BRI3: variants seen among roughly 807,000 people sequenced by gnomAD.
BRI3 encodes the protein brain protein I3, also known as membrane protein BRI3.
BRI3 carries 6 observed loss-of-function variants against 12.8 expected under a neutral mutation model. The ratio of observed to expected loss-of-function variants is 0.47; its 90% CI spans 0.26 to 0.93. BRI3 has a LOEUF of 0.93. Among genes scored for constraint, BRI3 ranks in the 40% least tolerant of loss-of-function variants. The pLI is 0.15. For synonymous variants in BRI3, 91 were observed against 76.1 expected (o/e 1.20, Z -1.02); for missense variants, 134 against 171.1 (o/e 0.78, Z 1.21).
intron 2 of BRI3, among the ~76,000 whole-genome samples, chr7:98,287,740 C>G (rs945311613): frequency 5.9e-5 from 9 of 152,212 alleles, no homozygotes; most frequent in Admixed American, 4.6e-4. Context: ...GTCCCAGGCG[C>G]GAGCAGCAGC....
chr7:98,300,327 G>C (rs1275342714), intron 1 of BRI3, among the ~76,000 whole-genome samples: 2 of 152,184 alleles, frequency 1.3e-5, no homozygotes, highest in African/African-American at 4.8e-5. Flanking sequence ...TCCCACAGCT[G>C]CGCTCCCGGA....
upstream of BRI3, among the ~76,000 whole-genome samples, chr7:98,301,552 C>T (rs141424876): frequency 0.02 from 2,962 of 151,242 alleles, 99 homozygotes; most frequent in African/African-American, 0.068. Flanking sequence ...CTCCTGACCT[C>T]GTGATCCGCC....
intron 2 of BRI3, among the ~76,000 whole-genome samples, chr7:98,287,604 C>T (rs1256517324): frequency 3.3e-5 from 5 of 152,198 alleles, no homozygotes; most frequent in Admixed American, 6.5e-5. Context: ...CGCCCTGGCC[C>T]GTGGCAGTGG....
At chr7:98,284,859 C>CTGCCCTGCCCTGCCT (rs950059493) in intron 2 of BRI3, among the ~76,000 whole-genome samples, 7 of 152,196 alleles carry the variant, frequency 4.6e-5, no homozygotes, top group African/African-American at 1.7e-4. Flanking sequence ...CTGCCCTGCC[C>CTGCCCTGCCCTGCCT]TGCCCTGCCC....
chr7:98,293,938 C>T (rs1800074422), downstream of BRI3: 2 of 1,011,198 alleles, frequency 2.0e-6, no homozygotes, highest in South Asian at 1.5e-5. Context: ...CAGGGGGCTG[C>T]ACTCCCCCAT....
upstream of BRI3, among the ~76,000 whole-genome samples, chr7:98,306,164 G>A (rs1800649426): frequency 6.6e-6 from 1 of 152,210 alleles, no homozygotes; most frequent in African/African-American, 2.4e-5. Context: ...CTTGGGTTTA[G>A]CGACCAGGAG....
rs548113348 is a variant in BRI3 at position 98,283,912 on chromosome 7, G to A, written c.245+1459G>A. Among the ~76,000 whole-genome samples the A allele has an allele frequency of 5.3e-5, 8 of 152,344 alleles. No homozygotes were observed. In the East Asian group the frequency reaches 9.7e-4, roughly 18 times the overall value. ...AGATATCCCAGGGCTGGGGGGCGCCGAGGTGGTGGCGCAGTTGCTGTCGGT... is the reference window on the plus strand; with the variant it reads ...AGATATCCCAGGGCTGGGGGGCGCCAAGGTGGTGGCGCAGTTGCTGTCGGT... On this transcript the variant is annotated intron_variant, in intron 2 of 2. Transcript: ENST00000297290.
At chr7:98,293,472 T>TGCGCAGACAGGA (rs1800052933), downstream of BRI3, 1 of 1,555,600 alleles carries the variant, frequency 6.4e-7, no homozygotes. Context: ...GCGCCCATCA[T>TGCGCAGACAGGA]TCCGCAAGGG....
downstream of BRI3, chr7:98,312,008 CCTGTGATTCCCACCA>C (rs1800890942): frequency 2.3e-6 from 3 of 1,330,644 alleles, no homozygotes; most frequent in African/African-American, 1.5e-5. Context: ...TAAAGGGGGA[CCTGTGATTCCCACCA>C]ACACAGGCAA....
chr7:98,303,390 C>G (rs1371141744), upstream of BRI3, among the ~76,000 whole-genome samples: 3 of 152,230 alleles, frequency 2.0e-5, no homozygotes, highest in Non-Finnish European at 4.4e-5. Flanking sequence ...CCCCTTCACC[C>G]ACAGGTCTCA....
At chr7:98,293,577 T>C, downstream of BRI3, 1 of 1,613,812 alleles carries the variant, frequency 6.2e-7, no homozygotes, top group Non-Finnish European at 8.5e-7. Context: ...AGTTTCACAG[T>C]GGCAAAGGGG....
the BRI3 span, among the ~76,000 whole-genome samples, chr7:98,322,510 G>A: frequency 2.0e-5 from 3 of 152,126 alleles, no homozygotes; most frequent in African/African-American, 4.8e-5. Flanking sequence ...GGCCATCATC[G>A]GAGCCACCTG....
chr7:98,311,154 G>A (rs1037513952), downstream of BRI3, among the ~76,000 whole-genome samples: 2 of 152,132 alleles, frequency 1.3e-5, no homozygotes, highest in South Asian at 2.1e-4. Flanking sequence ...AGTGCCTTAC[G>A]TTGTGATGAA....
At chr7:98,310,515 A>G, downstream of BRI3, 1 of 1,606,482 alleles carries the variant, frequency 6.2e-7, no homozygotes, top group East Asian at 2.2e-5. Context: ...CGATCAAGGG[A>G]CTGGTATATG....
chr7:98,292,510 CCT>C, downstream of BRI3: 1 of 907,944 alleles, frequency 1.1e-6, no homozygotes, highest in Non-Finnish European at 1.7e-6. Flanking sequence ...AGGTCCAGAT[CCT>C]TGGCAGCCAA....
chr7:98,283,512 CATT>C (rs1208104510), intron 2 of BRI3, among the ~76,000 whole-genome samples: 1 of 143,758 alleles, frequency 7.0e-6, no homozygotes, highest in Non-Finnish European at 1.5e-5. Context: ...CCAGCAGAAA[CATT>C]AGCCTTTGGA....
At chr7:98,292,300 C>T, downstream of BRI3, 1 of 325,006 alleles carries the variant, frequency 3.1e-6, no homozygotes, top group Non-Finnish European at 5.9e-6. Flanking sequence ...TGGCTCACTG[C>T]AACCTCTGCC....
the BRI3 span, among the ~76,000 whole-genome samples, chr7:98,318,743 G>A: frequency 1.3e-5 from 2 of 150,470 alleles, no homozygotes; most frequent in Non-Finnish European, 3.0e-5. Flanking sequence ...AGAAGTTTGA[G>A]ACCAGCCTGG....
chr7:98,307,968 C>A, exon 2 of BRI3: 4 of 1,386,688 alleles, frequency 2.9e-6, no homozygotes, highest in Non-Finnish European at 4.1e-6. Flanking sequence ...AATGAGCAAA[C>A]CCCAGGAATC....
Sources: gnomAD v4.1 joint callset for allele counts (sites outside exome capture counted in the v4.1 genomes callset) on GRCh38, gnomAD v4.1.1 for gene constraint, MANE v1.5 for transcripts, NCBI Gene and HGNC (gene_info 2026-07-23, HGNC 2026-07-21) for gene names.